Variants in NBEA observed in about 807,000 individuals in gnomAD.
NBEA encodes neurobeachin.
In NBEA, 44 loss-of-function variants were observed where a neutral mutation model predicts 343.4. That is an observed-to-expected ratio of 0.13 (90% CI 0.10 to 0.16). NBEA has a LOEUF of 0.16. Ranked by LOEUF, NBEA falls within the 10% of genes least tolerant of loss-of-function variation. The pLI, the probability that NBEA is intolerant of heterozygous loss-of-function variation, is 1.00. For missense variants in NBEA, 2,555 were observed against 3,631.3 expected (o/e 0.70, Z 7.62); for synonymous variants, 1,175 against 1,238.7 (o/e 0.95, Z 1.08).
intron 41 of NBEA, among the ~76,000 whole-genome samples, chr13:35,517,047 A>ACTGT (rs1277174477): frequency 6.6e-6 from 1 of 152,000 alleles, no homozygotes; most frequent in Non-Finnish European, 1.5e-5. Flanking sequence ...TCAAAATTAT[A>ACTGT]CTGTCTTTTT....
At chr13:35,091,336 A>T (rs2065072148) in intron 10 of NBEA, among the ~76,000 whole-genome samples, 1 of 152,030 alleles carries the variant, frequency 6.6e-6, no homozygotes. Flanking sequence ...AATATCAGGG[A>T]TGTCATGGAA....
intron 10 of NBEA, among the ~76,000 whole-genome samples, chr13:35,083,870 G>A (rs1434735460): frequency 6.6e-6 from 1 of 152,056 alleles, no homozygotes; most frequent in Admixed American, 6.6e-5. Context: ...TAAAATAAAG[G>A]GATGGAGGAA....
chr13:35,022,272 A>G (rs1460144717), intron 1 of NBEA, among the ~76,000 whole-genome samples: 1 of 152,056 alleles, frequency 6.6e-6, no homozygotes, highest in Admixed American at 6.6e-5. Context: ...CTTTAAATAT[A>G]TTTGAAAGAT....
At chr13:35,390,057 TA>T (rs2042428226) in intron 38 of NBEA, among the ~76,000 whole-genome samples, 1 of 150,774 alleles carries the variant, frequency 6.6e-6, no homozygotes, top group South Asian at 2.1e-4. Context: ...ATTTGTATAA[TA>T]TTTTTTCTAA....
chr13:35,128,687 G>T (rs1028177816), intron 17 of NBEA, among the ~76,000 whole-genome samples: 1 of 152,080 alleles, frequency 6.6e-6, no homozygotes, highest in African/African-American at 2.4e-5. Context: ...TGTGGGTAGT[G>T]AAAAATAGCA....
intron 17 of NBEA, among the ~76,000 whole-genome samples, chr13:35,133,343 G>T (rs1291979003): frequency 6.6e-6 from 1 of 152,112 alleles, no homozygotes; most frequent in Admixed American, 6.6e-5. Flanking sequence ...ACTGTTGACA[G>T]TATCAAGTGT....
At chr13:35,267,127 G>A (rs1361804994) in intron 34 of NBEA, among the ~76,000 whole-genome samples, 1 of 151,860 alleles carries the variant, frequency 6.6e-6, no homozygotes, top group African/African-American at 2.4e-5. Context: ...AGAAAGAAGA[G>A]GGGTTTGTCT....
chr13:35,334,863 A>T (rs988536118), intron 36 of NBEA, among the ~76,000 whole-genome samples: 2 of 152,128 alleles, frequency 1.3e-5, no homozygotes, highest in African/African-American at 2.4e-5. Context: ...ACTTGATGTG[A>T]TCCCATGTGT....
At chr13:35,065,481 T>A (rs1045576252) in intron 8 of NBEA, among the ~76,000 whole-genome samples, 2 of 152,090 alleles carry the variant, frequency 1.3e-5, no homozygotes, top group African/African-American at 2.4e-5. Context: ...CACTTTCATA[T>A]GTAGTTTGCA....
At chr13:35,126,563 G>GA (rs1270170022) in intron 17 of NBEA, among the ~76,000 whole-genome samples, 5 of 152,060 alleles carry the variant, frequency 3.3e-5, no homozygotes, top group Non-Finnish European at 5.9e-5. Context: ...ATGAATAGAT[G>GA]AAAATATGAG....
At chr13:35,291,662 C>T (rs1227044407) in intron 35 of NBEA, among the ~76,000 whole-genome samples, 1 of 151,916 alleles carries the variant, frequency 6.6e-6, no homozygotes, top group Non-Finnish European at 1.5e-5. Context: ...CTTAGAATTC[C>T]TTCTTCCATA....
intron 37 of NBEA, among the ~76,000 whole-genome samples, chr13:35,351,319 A>G (rs1447757854): frequency 6.6e-6 from 1 of 151,894 alleles, no homozygotes; most frequent in Non-Finnish European, 1.5e-5. Flanking sequence ...TAGTCACACC[A>G]CTCTGTATAT....
intron 17 of NBEA, among the ~76,000 whole-genome samples, chr13:35,133,462 TATACTC>T (rs2067539778): frequency 6.6e-6 from 1 of 152,074 alleles, no homozygotes; most frequent in South Asian, 2.1e-4. Flanking sequence ...TAAATATACT[TATACTC>T]TATGACTAAG....
intron 8 of NBEA, among the ~76,000 whole-genome samples, chr13:35,064,051 G>A (rs1159416779): frequency 6.6e-6 from 1 of 151,994 alleles, no homozygotes; most frequent in Non-Finnish European, 1.5e-5. Context: ...CATAGGTTAT[G>A]GACATAGTTG....
intron 8 of NBEA, among the ~76,000 whole-genome samples, chr13:35,059,680 A>C (rs1248701102): frequency 6.6e-6 from 1 of 151,528 alleles, no homozygotes; most frequent in Non-Finnish European, 1.5e-5. Context: ...AGGAGTAGTA[A>C]ATATTAAAAA....
intron 17 of NBEA, among the ~76,000 whole-genome samples, chr13:35,139,747 T>TTTTTG (rs2067971793): frequency 7.4e-6 from 1 of 135,250 alleles, no homozygotes; most frequent in African/African-American, 3.0e-5. Context: ...GGATGGCGTT[T>TTTTTG]TTTTTTTTTT....
chr13:35,152,327 G>T (rs554053302), intron 18 of NBEA, among the ~76,000 whole-genome samples: 2 of 152,296 alleles, frequency 1.3e-5, no homozygotes, highest in African/African-American at 4.8e-5. Context: ...TGGACAGTAT[G>T]TTAGATACCA....
At chr13:35,337,870 T>C (rs1031146167) in intron 36 of NBEA, among the ~76,000 whole-genome samples, 1 of 151,818 alleles carries the variant, frequency 6.6e-6, no homozygotes, top group African/African-American at 2.4e-5. Context: ...AACTACTAAA[T>C]AACCAATGGG....
rs540386802 is a variant in NBEA at position 35,420,277 on chromosome 13, C to T, written c.6180-11992C>T. The stretch of plus-strand genomic sequence containing the variant: ...TAAAGTTTTTTGTAGACACTTTTAT[C>T]GAGTTGAAGAAATTGCCTTTTATTC... On this transcript the variant is annotated intron_variant, in intron 38 of 58. Coordinates refer to ENST00000379939, the MANE Select transcript of NBEA (RefSeq NM_001385012.1). Among the ~76,000 whole-genome samples, 46 of 152,056 alleles carry T rather than the reference C, an allele frequency of 3.0e-4. No individual in the cohort carries two copies. The South Asian group carries it at 8.3e-3, about 27-fold the overall frequency.
Sources: allele counts gnomAD v4.1 joint callset (sites outside exome capture counted in the v4.1 genomes callset), GRCh38; gene constraint gnomAD v4.1.1; transcripts MANE v1.5; gene names NCBI Gene and HGNC (gene_info 2026-07-23, HGNC 2026-07-21).